The following GRHL2 variants were observed in gnomAD, a reference collection of about 807,000 sequenced individuals.
The protein encoded by GRHL2 is grainyhead-like protein 2 homolog.
GRHL2 carries 21 observed loss-of-function variants against 83.8 expected under a neutral mutation model. The ratio of observed to expected loss-of-function variants is 0.25; its 90% CI spans 0.18 to 0.36. The LOEUF is 0.36. Ranked by LOEUF, GRHL2 falls within the 10% of genes least tolerant of loss-of-function variation. GRHL2 has a pLI of 1.00. For synonymous variants in GRHL2, 280 were observed against 278.9 expected, an observed-to-expected ratio of 1.00 and a Z score of -0.04; for missense variants, 623 against 781.8, an observed-to-expected ratio of 0.80 and a Z score of 2.42.
At chr8:101,650,355 T>G (rs575231218) in intron 14 of GRHL2, among the ~76,000 whole-genome samples, 6 of 152,346 alleles carry the variant, frequency 3.9e-5, no homozygotes, top group African/African-American at 1.4e-4. Flanking sequence ...ACTTCACTCT[T>G]TTTATGATTA....
chr8:101,562,716 A>G lies in GRHL2; in HGVS notation c.678+3904A>G, dbSNP rs546123760. On this transcript the variant is annotated intron_variant, in intron 4 of 15. Coordinates refer to ENST00000646743, the MANE Select transcript of GRHL2 (RefSeq NM_024915.4). ...GATATAATTGTTGGTACCTTTTCCA[A>G]CTTTTGATGTAGAATATGTAATGTG... Among the ~76,000 whole-genome samples, 270 of 152,312 alleles carry G rather than the reference A, an allele frequency of 1.8e-3. 4 individuals are homozygous for G. The highest frequency in any genetic ancestry group is 6.0e-3 in the African/African-American group (249 of 41,576).
chr8:101,627,629 A>G (rs1813105091), intron 9 of GRHL2, among the ~76,000 whole-genome samples: 1 of 152,134 alleles, frequency 6.6e-6, no homozygotes, highest in South Asian at 2.1e-4. Flanking sequence ...ATCAGAAGCT[A>G]GAAATAATTA....
In GRHL2 at chr8:101,570,346, G is replaced by A. The variant is rs545333440; in HGVS notation, c.686G>A (p.Arg229Gln). The A allele has an allele frequency of 4.7e-5, 76 of 1,613,660 alleles. No individual in the cohort carries two copies. The highest frequency in any genetic ancestry group is 1.7e-4 in the Middle Eastern group (1 of 6,058). Residue 229 changes from arginine (R) to glutamine (Q), a missense_variant, in exon 5 of 16, where the codon CGG (arginine) becomes CAG (glutamine). Physicochemically the swap from Arg to Gln is conservative, Grantham distance 43. Around this residue, in one of 8 missense-constraint regions of GRHL2, gnomAD observed 239 missense variants for 240.5 expected, o/e 0.99. Transcript: ENST00000646743. ...SFKDAATEKFRSASVGAEEYM... is the reference protein window; with the variant it reads ...SFKDAATEKFQSASVGAEEYM... ...ATGACTCATATTTTGCAGAAATTTC[G>A]GAGTGCTTCAGTTGGGGCTGAGGAG...
intron 7 of GRHL2, among the ~76,000 whole-genome samples, chr8:101,583,573 T>C (rs1812101444): frequency 6.6e-6 from 1 of 152,200 alleles, no homozygotes; most frequent in African/African-American, 2.4e-5. Context: ...AGGCACCGTC[T>C]ACACATAGAA....
chr8:101,570,113 G>A (rs547727664), intron 4 of GRHL2, among the ~76,000 whole-genome samples: 11 of 152,308 alleles, frequency 7.2e-5, no homozygotes, highest in African/African-American at 1.4e-4. Context: ...CTGCAGACAC[G>A]TGAATAACAT....
intron 7 of GRHL2, among the ~76,000 whole-genome samples, chr8:101,590,654 A>G (rs1187151857): frequency 4.6e-5 from 7 of 152,190 alleles, no homozygotes; most frequent in African/African-American, 1.4e-4. Context: ...AATTAAATTC[A>G]GGTCTGTGTG....
At chr8:101,532,139 G>C (rs1294973567) in intron 1 of GRHL2, among the ~76,000 whole-genome samples, 1 of 152,206 alleles carries the variant, frequency 6.6e-6, no homozygotes, top group Non-Finnish European at 1.5e-5. Context: ...TAAAAGGAGG[G>C]ATATTGCTGA....
At chr8:101,629,612 G>C (rs1353659821) in intron 9 of GRHL2, among the ~76,000 whole-genome samples, 1 of 151,918 alleles carries the variant, frequency 6.6e-6, no homozygotes, top group Non-Finnish European at 1.5e-5. Flanking sequence ...AACTTGGGGT[G>C]TTTCTGGGGG....
At chr8:101,519,558 C>CTTTT (rs1156774756) in intron 1 of GRHL2, among the ~76,000 whole-genome samples, 1 of 130,306 alleles carries the variant, frequency 7.7e-6, no homozygotes, top group Non-Finnish European at 1.6e-5. Context: ...CCATGACCAG[C>CTTTT]TTTTTTTTTT....
At position 101,611,163 on chromosome 8, in the gene GRHL2, A is replaced by T. The variant is rs138216367; in HGVS notation, c.1099-8376A>T. On this transcript the variant is annotated intron_variant, in intron 8 of 15. Transcript: ENST00000646743. ...CGGGATTAGTTTTAAAAGCTACATG[A>T]CTGCTGTTTTCACATATTATGTCAG... Among the ~76,000 whole-genome samples, 910 of 151,116 alleles carry T rather than the reference A, an allele frequency of 6.0e-3. 73 individuals carry two copies. Among genetic ancestry groups the T allele is most frequent in the African/African-American group, 0.021 (870 of 40,486 alleles).
chr8:101,576,446 C>T (rs929836911), intron 6 of GRHL2, among the ~76,000 whole-genome samples: 2 of 152,096 alleles, frequency 1.3e-5, no homozygotes, highest in Admixed American at 1.3e-4. Flanking sequence ...TCTTGAATTC[C>T]TGGACTCAAG....
At position 101,666,631 on chromosome 8, in the gene GRHL2, G is replaced by C. The variant is rs61732855; in HGVS notation, c.1806G>C (p.Ser602=). ...NMDDNIIEHY[S]NEDTFILNME... The stretch of plus-strand genomic sequence containing the variant: ...ATGACAACATCATCGAGCACTACTC[G>C]AACGAGGACACCTTCATCCTCAACA... Residue 602 remains serine, a synonymous_variant, in exon 16 of 16, where the codon TCG becomes TCC. Coordinates refer to ENST00000646743, the MANE Select transcript of GRHL2 (RefSeq NM_024915.4). 1.2e-3 allele frequency: 1,890 copies of C among 1,613,476 alleles called. 18 individuals carry two copies. In the African/African-American group the frequency reaches 0.019, roughly 17 times the overall value.
chr8:101,629,251 G>A (rs1476631797), intron 9 of GRHL2, among the ~76,000 whole-genome samples: 2 of 151,466 alleles, frequency 1.3e-5, no homozygotes, highest in Non-Finnish European at 2.9e-5. Flanking sequence ...TTAACATCAA[G>A]GTAAGACCAT....
the GRHL2 span, among the ~76,000 whole-genome samples, chr8:101,675,735 A>G: frequency 6.6e-6 from 1 of 152,178 alleles, no homozygotes; most frequent in African/African-American, 2.4e-5. Flanking sequence ...GAACCAAAAA[A>G]GAGCCCGCAT....
the GRHL2 span, among the ~76,000 whole-genome samples, chr8:101,675,971 A>G: frequency 6.6e-6 from 1 of 152,224 alleles, no homozygotes; most frequent in Non-Finnish European, 1.5e-5. Context: ...AGGATTCCCT[A>G]TTTAACAAAT....
chr8:101,661,177 G>C (rs565947903), intron 14 of GRHL2, among the ~76,000 whole-genome samples: 1 of 152,194 alleles, frequency 6.6e-6, no homozygotes, highest in Non-Finnish European at 1.5e-5. Flanking sequence ...ATTAGTGTTA[G>C]TGTGTTTTAT....
intron 12 of GRHL2, among the ~76,000 whole-genome samples, chr8:101,642,787 G>A (rs1385998321): frequency 6.6e-6 from 1 of 152,132 alleles, no homozygotes; most frequent in East Asian, 1.9e-4. Flanking sequence ...TTATCATGAG[G>A]TTGCTCCCTC....
At chr8:101,501,380 C>T (rs1379826271) in intron 1 of GRHL2, among the ~76,000 whole-genome samples, 1 of 152,188 alleles carries the variant, frequency 6.6e-6, no homozygotes, top group Non-Finnish European at 1.5e-5. Flanking sequence ...AGCCTTTCAT[C>T]TGAACTCTGA....
intron 14 of GRHL2, among the ~76,000 whole-genome samples, chr8:101,652,406 G>GTA: frequency 1.1e-5 from 1 of 91,418 alleles, no homozygotes; most frequent in Admixed American, 1.1e-4. Context: ...TGTCTGGTGT[G>GTA]TGTGTGGTGT....
Sources: gnomAD v4.1 joint callset for allele counts (sites outside exome capture counted in the v4.1 genomes callset) on GRCh38, gnomAD v4.1.1 for gene constraint, gnomAD v4.1.1 regional missense constraint, MANE v1.5 for transcripts, NCBI Gene and HGNC (gene_info 2026-07-23, HGNC 2026-07-21) for gene names.